Variants in KLF8 observed in about 807,000 individuals in gnomAD.
KLF8 encodes Krueppel-like factor 8.
KLF8 carries 10 observed loss-of-function variants against 18.2 expected under a neutral mutation model. The ratio of observed to expected loss-of-function variants is 0.55; its 90% CI spans 0.34 to 0.93. The LOEUF (loss-of-function observed/expected upper bound fraction) is 0.93. Among genes scored for constraint, KLF8 ranks in the 40% least tolerant of loss-of-function variants. The pLI is 0.02. For missense variants in KLF8, 264 were observed against 277.9 expected (o/e 0.95, Z 0.36); for synonymous variants, 109 against 97.3 (o/e 1.12, Z -0.71).
rs2066595021 is a variant in KLF8, at chrX:56,244,427, A to G, written c.8-5804A>G. Among the ~76,000 whole-genome samples, 2 of 111,187 alleles carry G rather than the reference A, an allele frequency of 1.8e-5. 1 individual carries two copies. Among genetic ancestry groups the G allele is most frequent in the South Asian group, 7.6e-4 (2 of 2,616 alleles). On this transcript the variant is annotated intron_variant, in intron 1 of 5. Coordinates refer to ENST00000468660, the MANE Select transcript of KLF8 (RefSeq NM_007250.5). ...ATTCTCAAACTCCTGAGCTCAAGTT[A>G]TCCTCCCGCCTTGGCCTCCCAAAGT...
chrX:56,133,923 A>T, the KLF8 span, among the ~76,000 whole-genome samples: 25 of 14,717 alleles, frequency 1.7e-3, no homozygotes, highest in Non-Finnish European at 2.0e-4. Flanking sequence ...CAATATCTGC[A>T]AAAAAAAAAA....
the KLF8 span, among the ~76,000 whole-genome samples, chrX:55,956,339 T>A: frequency 8.9e-6 from 1 of 111,918 alleles, no homozygotes; most frequent in Admixed American, 9.6e-5. Context: ...TTGGCTATTG[T>A]GAATAAAACT....
At chrX:56,108,056 G>C in the KLF8 span, among the ~76,000 whole-genome samples, 1 of 111,897 alleles carries the variant, frequency 8.9e-6, no homozygotes. Flanking sequence ...TGGTTGGCTT[G>C]TATCATGAAA....
At chrX:55,995,546 C>G in the KLF8 span, among the ~76,000 whole-genome samples, 1 of 112,108 alleles carries the variant, frequency 8.9e-6, no homozygotes, top group South Asian at 3.7e-4. Context: ...GTTAGCACTT[C>G]CTAATGGACC....
the KLF8 span, among the ~76,000 whole-genome samples, chrX:56,164,864 C>A: frequency 1.1e-5 from 1 of 90,261 alleles, no homozygotes; most frequent in Non-Finnish European, 2.2e-5. Context: ...AACGTGTCAT[C>A]TAGCATTAGG....
the KLF8 span, among the ~76,000 whole-genome samples, chrX:55,986,349 G>T: frequency 2.7e-5 from 3 of 112,107 alleles, no homozygotes; most frequent in Non-Finnish European, 3.8e-5. Context: ...AACATGAATA[G>T]ATGTTAATTT....
At chrX:56,014,303 A>G in the KLF8 span, among the ~76,000 whole-genome samples, 1 of 112,323 alleles carries the variant, frequency 8.9e-6, no homozygotes, top group African/African-American at 3.2e-5. Context: ...AACCCTGTTA[A>G]AAAGTGGGCA....
chrX:55,963,056 A>G, the KLF8 span, among the ~76,000 whole-genome samples: 1 of 112,532 alleles, frequency 8.9e-6, no homozygotes. Flanking sequence ...TAAGAAAAAG[A>G]GAAGGCTCTC....
chrX:56,233,218 C>A lies in KLF8; in HGVS notation c.-117C>A. 1 of 872,479 alleles carries A rather than the reference C, an allele frequency of 1.1e-6. No homozygotes were observed. Among genetic ancestry groups the A allele is most frequent in the Non-Finnish European group, 1.7e-6 (1 of 594,927 alleles). The allele number at this position is 872,479 out of a possible 1,213,427, so 71.9% of individuals were successfully genotyped here. On this transcript the variant is annotated 5_prime_UTR_variant, in exon 1 of 6. Transcript: ENST00000468660. ...GAAGACGAGAACGCGTCGCCCTGCGCTATGTCAGAATGGGGCGGGTGTGAG... is the reference window on the plus strand; with the variant it reads ...GAAGACGAGAACGCGTCGCCCTGCGATATGTCAGAATGGGGCGGGTGTGAG...
chrX:56,019,542 A>C, the KLF8 span, among the ~76,000 whole-genome samples: 1 of 112,688 alleles, frequency 8.9e-6, no homozygotes, highest in South Asian at 3.6e-4. Context: ...GATATTCACA[A>C]ATACTTTAAC....
At chrX:56,037,424 A>G in the KLF8 span, among the ~76,000 whole-genome samples, 30 of 111,426 alleles carry the variant, frequency 2.7e-4, no homozygotes, top group African/African-American at 9.8e-4. Context: ...TGTTGGCCTC[A>G]TAGACTGAAT....
the KLF8 span, among the ~76,000 whole-genome samples, chrX:56,088,610 G>A: frequency 1.8e-5 from 2 of 111,464 alleles, no homozygotes; most frequent in African/African-American, 6.5e-5. Context: ...TGGCTCTGAG[G>A]ACCAACTGCT....
chrX:56,167,668 T>C, the KLF8 span, among the ~76,000 whole-genome samples: 29 of 111,846 alleles, frequency 2.6e-4, no homozygotes, highest in African/African-American at 8.8e-4. Context: ...ATAAGAGTAG[T>C]TGATGACAAT....
chrX:56,060,744 G>C, the KLF8 span, among the ~76,000 whole-genome samples: 1 of 111,761 alleles, frequency 8.9e-6, no homozygotes, highest in Non-Finnish European at 1.9e-5. Flanking sequence ...TTTTTCTATT[G>C]TTTGGAATAG....
the KLF8 span, among the ~76,000 whole-genome samples, chrX:55,973,820 G>T: frequency 8.9e-6 from 1 of 111,853 alleles, no homozygotes; most frequent in Non-Finnish European, 1.9e-5. Context: ...CAAGTCAGCA[G>T]TATCATTTCT....
At chrX:56,203,291 T>C in the KLF8 span, among the ~76,000 whole-genome samples, 1 of 112,091 alleles carries the variant, frequency 8.9e-6, no homozygotes, top group Non-Finnish European at 1.9e-5. Flanking sequence ...TTCCCTATAT[T>C]GTTGTTTGAG....
At chrX:56,057,283 T>G in the KLF8 span, among the ~76,000 whole-genome samples, 1 of 111,270 alleles carries the variant, frequency 9.0e-6, no homozygotes, top group Non-Finnish European at 1.9e-5. Flanking sequence ...GGTGCAAGGG[T>G]GGGCCTTGCT....
At chrX:56,010,181 G>C in the KLF8 span, among the ~76,000 whole-genome samples, 2 of 111,179 alleles carry the variant, frequency 1.8e-5, no homozygotes, top group African/African-American at 6.5e-5. Flanking sequence ...AGGCTGAAAT[G>C]AACGAAAAAA....
the KLF8 span, among the ~76,000 whole-genome samples, chrX:56,116,853 C>T: frequency 4.5e-5 from 5 of 109,988 alleles, no homozygotes; most frequent in Admixed American, 9.8e-5. Context: ...TTGAAATGTT[C>T]TGCCTTTAAA....
Sources: gnomAD v4.1 joint callset for allele counts (sites outside exome capture counted in the v4.1 genomes callset) on GRCh38, gnomAD v4.1.1 for gene constraint, MANE v1.5 for transcripts, NCBI Gene and HGNC (gene_info 2026-07-23, HGNC 2026-07-21) for gene names.